Variants in AFG1L observed in about 807,000 individuals in gnomAD.
The protein encoded by AFG1L is AFG1 like ATPase.
A neutral mutation model predicts 62.2 loss-of-function variants in AFG1L; 53 were observed. That is an observed-to-expected ratio of 0.85 (90% CI 0.68 to 1.07). The LOEUF (loss-of-function observed/expected upper bound fraction) is 1.07. Ranked by LOEUF, AFG1L falls within the 50% of genes least tolerant of loss-of-function variation. The pLI is 0.00. For synonymous variants in AFG1L, 228 were observed against 210.3 expected (o/e 1.08, Z -0.73); for missense variants, 555 against 590.5 (o/e 0.94, Z 0.62).
At chr6:108,450,704 G>A (rs1772016430) in intron 8 of AFG1L, among the ~76,000 whole-genome samples, 1 of 152,074 alleles carries the variant, frequency 6.6e-6, no homozygotes, top group Non-Finnish European at 1.5e-5. Context: ...TATTGCCTAG[G>A]TTTTCTTCTA....
intron 7 of AFG1L, among the ~76,000 whole-genome samples, chr6:108,404,792 A>G (rs1187796905): frequency 3.3e-5 from 5 of 152,056 alleles, no homozygotes; most frequent in Non-Finnish European, 7.4e-5. Context: ...CAGTCGTACA[A>G]TATTGGCTCA....
chr6:108,465,355 T>A (rs555146484), intron 8 of AFG1L, among the ~76,000 whole-genome samples: 9 of 152,236 alleles, frequency 5.9e-5, no homozygotes, highest in Non-Finnish European at 1.3e-4. Flanking sequence ...CTGGTTAGGC[T>A]GGAATATCTT....
chr6:108,314,117 G>C (rs1424642596), intron 1 of AFG1L, among the ~76,000 whole-genome samples: 1 of 151,934 alleles, frequency 6.6e-6, no homozygotes, highest in Non-Finnish European at 1.5e-5. Context: ...TGTAATCCCA[G>C]CTACTTAGGA....
chr6:108,378,538 C>T (rs924696446), intron 6 of AFG1L, among the ~76,000 whole-genome samples: 5 of 152,038 alleles, frequency 3.3e-5, no homozygotes, highest in East Asian at 1.9e-4. Flanking sequence ...AGGCTGGTCT[C>T]GAACTCCCGA....
chr6:108,441,746 A>G (rs1197645747), intron 7 of AFG1L, among the ~76,000 whole-genome samples: 1 of 149,316 alleles, frequency 6.7e-6, no homozygotes, highest in Non-Finnish European at 1.5e-5. Context: ...GAGTGTTAGT[A>G]TTTTTCAGAC....
chr6:108,439,438 A>G (rs1225815101), intron 7 of AFG1L, among the ~76,000 whole-genome samples: 5 of 152,176 alleles, frequency 3.3e-5, no homozygotes, highest in Non-Finnish European at 7.3e-5. Context: ...AATATATGAA[A>G]CATCTTTAGT....
At chr6:108,423,282 A>G (rs1017383944) in intron 7 of AFG1L, among the ~76,000 whole-genome samples, 1 of 152,118 alleles carries the variant, frequency 6.6e-6, no homozygotes, top group African/African-American at 2.4e-5. Flanking sequence ...TGATCAAGAT[A>G]AGAGCTGACA....
At chr6:108,460,992 C>A (rs905110417) in intron 8 of AFG1L, among the ~76,000 whole-genome samples, 2 of 152,198 alleles carry the variant, frequency 1.3e-5, no homozygotes, top group Admixed American at 6.5e-5. Context: ...ATGACAACAA[C>A]AAAAAGAAGT....
intron 11 of AFG1L, among the ~76,000 whole-genome samples, chr6:108,511,875 T>C (rs1469765099): frequency 6.6e-6 from 1 of 152,206 alleles, no homozygotes; most frequent in African/African-American, 2.4e-5. Flanking sequence ...GGTGCTTGCC[T>C]TCAAAGAGCT....
intron 7 of AFG1L, among the ~76,000 whole-genome samples, chr6:108,420,969 T>C (rs775040265): frequency 3.3e-5 from 5 of 152,284 alleles, no homozygotes; most frequent in Non-Finnish European, 7.4e-5. Context: ...ATTAGTTTAA[T>C]TACACGTGGC....
intron 8 of AFG1L, among the ~76,000 whole-genome samples, chr6:108,458,362 T>C (rs997785643): frequency 6.6e-5 from 10 of 152,172 alleles, no homozygotes; most frequent in Non-Finnish European, 1.3e-4. Flanking sequence ...GTGTTTGTGT[T>C]TCATTTTGGG....
chr6:108,503,924 A>G (rs1774297824), intron 10 of AFG1L, among the ~76,000 whole-genome samples: 1 of 152,224 alleles, frequency 6.6e-6, no homozygotes, highest in South Asian at 2.1e-4. Flanking sequence ...AACCTCATGA[A>G]CCAACCTCTG....
At chr6:108,316,188 T>C (rs1030368886) in intron 1 of AFG1L, among the ~76,000 whole-genome samples, 18 of 151,460 alleles carry the variant, frequency 1.2e-4, no homozygotes, top group African/African-American at 3.6e-4. Context: ...GAGACCATCC[T>C]GGCTAAAACG....
intron 5 of AFG1L, among the ~76,000 whole-genome samples, chr6:108,360,586 T>C (rs1343204814): frequency 1.3e-5 from 2 of 152,196 alleles, no homozygotes; most frequent in Non-Finnish European, 2.9e-5. Flanking sequence ...TCCTTTACAA[T>C]TCCAACTTGA....
intron 10 of AFG1L, among the ~76,000 whole-genome samples, chr6:108,486,715 C>A (rs1402182225): frequency 6.6e-6 from 1 of 152,000 alleles, no homozygotes. Flanking sequence ...GCAACTATTT[C>A]TTTTTCTTTT....
At chr6:108,476,055 T>C (rs776176377) in intron 8 of AFG1L, among the ~76,000 whole-genome samples, 1 of 152,176 alleles carries the variant, frequency 6.6e-6, no homozygotes, top group Non-Finnish European at 1.5e-5. Flanking sequence ...CTTGAAGCTC[T>C]TTTTAACAGT....
Position 108,424,492 on chromosome 6 carries a change from T to C in AFG1L, c.807+22438T>C, listed in dbSNP as rs1315912734. On this transcript the variant is annotated intron_variant, in intron 7 of 12. Transcript: ENST00000368977. Reference sequence around the variant, plus strand: ...ATTTCAACATGCATTTACGAAGGGCTTAGTCATTGGGGTTACAATGATAAA... The same window carrying C: ...ATTTCAACATGCATTTACGAAGGGCCTAGTCATTGGGGTTACAATGATAAA... Among the ~76,000 whole-genome samples the C allele has an allele frequency of 5.3e-5, 8 of 152,048 alleles. No individual in the cohort carries two copies. The South Asian group carries it at 8.3e-4, about 16-fold the overall frequency.
chr6:108,325,331 C>T (rs1239059559), intron 2 of AFG1L, among the ~76,000 whole-genome samples: 3 of 151,970 alleles, frequency 2.0e-5, no homozygotes, highest in Non-Finnish European at 2.9e-5. Flanking sequence ...GGGAACCCCT[C>T]GTATTTGTTA....
intron 10 of AFG1L, among the ~76,000 whole-genome samples, chr6:108,509,540 G>T (rs977796243): frequency 6.6e-6 from 1 of 152,142 alleles, no homozygotes; most frequent in Non-Finnish European, 1.5e-5. Context: ...TCACGGGAAG[G>T]GTTTATTAGG....
Sources: gnomAD v4.1 joint callset for allele counts (sites outside exome capture counted in the v4.1 genomes callset) on GRCh38, gnomAD v4.1.1 for gene constraint, MANE v1.5 for transcripts, NCBI Gene and HGNC (gene_info 2026-07-23, HGNC 2026-07-21) for gene names.